The following CLIC5 variants were observed in gnomAD, a reference collection of about 807,000 sequenced individuals.
CLIC5 encodes chloride intracellular channel protein 5.
In CLIC5, 20 loss-of-function variants were observed where a neutral mutation model predicts 24.7. The ratio of observed to expected loss-of-function variants is 0.81; its 90% CI spans 0.57 to 1.18. CLIC5 has a LOEUF of 1.18. CLIC5 is among the 50% of genes most tolerant of loss of function. CLIC5 has a pLI of 0.00. For missense variants in CLIC5, 341 were observed against 326.1 expected, an observed-to-expected ratio of 1.05 and a Z score of -0.35; for synonymous variants, 159 against 135.6, an observed-to-expected ratio of 1.17 and a Z score of -1.20.
chr6:46,087,341 AG>A, the CLIC5 span, among the ~76,000 whole-genome samples: 1 of 152,220 alleles, frequency 6.6e-6, no homozygotes, highest in African/African-American at 2.4e-5. Context: ...CTTGTTTGAT[AG>A]GTTTATTTAA....
At chr6:46,029,742 C>T (rs1042540751) in intron 1 of CLIC5, among the ~76,000 whole-genome samples, 8 of 152,160 alleles carry the variant, frequency 5.3e-5, no homozygotes, top group Non-Finnish European at 7.3e-5. Flanking sequence ...CCTCAATTTT[C>T]CATTCACCAC....
chr6:46,019,307 C>T (rs1398299422), upstream of CLIC5, among the ~76,000 whole-genome samples: 1 of 152,170 alleles, frequency 6.6e-6, no homozygotes, highest in Admixed American at 6.5e-5. Context: ...CAACTATATG[C>T]TGTTACAGAA....
Position 45,902,702 on chromosome 6 carries a change from G to A in CLIC5, c.*386C>T, listed in dbSNP as rs45615732. The stretch of plus-strand genomic sequence containing the variant: ...TGTCCTTGGCCTTGTAGGTATGGAC[G>A]GAGAGGAGGGTAGAAAAGGAGTTGG... On this transcript the variant is annotated 3_prime_UTR_variant, in exon 6 of 6. Coordinates refer to ENST00000339561, the MANE Select transcript of CLIC5 (RefSeq NM_016929.5). The A allele has an allele frequency of 0.024, 4,989 of 207,724 alleles. 80 individuals are homozygous for A. The highest frequency in any genetic ancestry group is 0.04 in the Admixed American group (769 of 19,022). 12.9% of individuals were successfully genotyped at this position (207,724 alleles called of 1,614,324 possible).
the CLIC5 span, among the ~76,000 whole-genome samples, chr6:46,122,764 A>T: frequency 1.3e-5 from 2 of 152,246 alleles, no homozygotes; most frequent in Non-Finnish European, 2.9e-5. Flanking sequence ...CGCCGATCCC[A>T]CAGAAATACA....
intron 1 of CLIC5, among the ~76,000 whole-genome samples, chr6:45,978,588 C>G (rs570281228): frequency 3.2e-4 from 48 of 152,328 alleles, no homozygotes; most frequent in African/African-American, 1.1e-3. Context: ...ATGTCTAACA[C>G]TTTTACAAGT....
rs146090052 is a variant in CLIC5, at chr6:45,951,278, C to A, written c.174-1897G>T. Among the ~76,000 whole-genome samples, 48 of 152,258 alleles carry A rather than the reference C, an allele frequency of 3.2e-4. No homozygotes were observed. The East Asian group carries it at 8.3e-3, about 26-fold the overall frequency. On this transcript the variant is annotated intron_variant, in intron 2 of 5. Coordinates refer to ENST00000339561, the MANE Select transcript of CLIC5 (RefSeq NM_016929.5). Reference sequence around the variant, plus strand: ...AGGAGACCCAAGAGTCCTAAATTATCCTGAAAGAAAGGCCTAGATGATGGA... The same window carrying A: ...AGGAGACCCAAGAGTCCTAAATTATACTGAAAGAAAGGCCTAGATGATGGA...
upstream of CLIC5, among the ~76,000 whole-genome samples, chr6:46,016,173 G>GGAAGGGGAAGAGGAAGGGGAAAGGA (rs1767000823): frequency 7.8e-6 from 1 of 127,804 alleles, no homozygotes; most frequent in Non-Finnish European, 1.7e-5. Flanking sequence ...AGGGGAAAGG[G>GGAAGGGGAAGAGGAAGGGGAAAGGA]GAAGGGGAAG....
intron 1 of CLIC5, among the ~76,000 whole-genome samples, chr6:45,976,906 T>G (rs1765405380): frequency 6.6e-6 from 1 of 152,218 alleles, no homozygotes. Context: ...GGCTGGATGT[T>G]ACGTGTGTGC....
At chr6:46,023,383 G>C (rs181156133) in intron 1 of CLIC5, among the ~76,000 whole-genome samples, 1 of 152,136 alleles carries the variant, frequency 6.6e-6, no homozygotes, top group Non-Finnish European at 1.5e-5. Context: ...CTTATCCAAG[G>C]TCATGTGGAT....
At chr6:46,088,536 A>G in the CLIC5 span, among the ~76,000 whole-genome samples, 1 of 152,220 alleles carries the variant, frequency 6.6e-6, no homozygotes, top group South Asian at 2.1e-4. Context: ...AAGATAAGAA[A>G]AATAATCTGC....
chr6:45,965,732 A>T (rs1356293432), intron 1 of CLIC5, among the ~76,000 whole-genome samples: 1 of 152,218 alleles, frequency 6.6e-6, no homozygotes, highest in Non-Finnish European at 1.5e-5. Flanking sequence ...CCATCCTAAT[A>T]CAGGAAATAT....
chr6:46,036,531 CCTT>C (rs898017346), intron 1 of CLIC5, among the ~76,000 whole-genome samples: 7 of 152,092 alleles, frequency 4.6e-5, no homozygotes, highest in African/African-American at 1.7e-4. Flanking sequence ...AGAATGGTCT[CCTT>C]CTCCTGACCT....
the CLIC5 span, among the ~76,000 whole-genome samples, chr6:46,087,504 T>C: frequency 6.6e-6 from 1 of 152,074 alleles, no homozygotes; most frequent in African/African-American, 2.4e-5. Flanking sequence ...ACTGTCATCT[T>C]ACTTAGGTTG....
intron 1 of CLIC5, among the ~76,000 whole-genome samples, chr6:46,064,037 C>T (rs771642518): frequency 3.3e-5 from 5 of 151,890 alleles, no homozygotes; most frequent in African/African-American, 4.8e-5. Flanking sequence ...AACTCATAAC[C>T]AAGCATGAAA....
At chr6:46,091,670 C>G in the CLIC5 span, among the ~76,000 whole-genome samples, 1 of 152,038 alleles carries the variant, frequency 6.6e-6, no homozygotes, top group African/African-American at 2.4e-5. Context: ...CCCAGGAGGT[C>G]GAGGCTGCAG....
intron 4 of CLIC5, among the ~76,000 whole-genome samples, chr6:45,929,183 C>T (rs1763630076): frequency 6.6e-6 from 1 of 152,080 alleles, no homozygotes; most frequent in Non-Finnish European, 1.5e-5. Flanking sequence ...GCCTTCCTTA[C>T]AACTGCCCAA....
the CLIC5 span, among the ~76,000 whole-genome samples, chr6:46,124,079 CTACTT>C: frequency 6.6e-6 from 1 of 152,176 alleles, no homozygotes; most frequent in African/African-American, 2.4e-5. Flanking sequence ...TTGGAAAAAA[CTACTT>C]TAAAGTTCAT....
In CLIC5 at chr6:46,036,639, A is replaced by T. The variant is rs1444193204; in HGVS notation, c.540+43064T>A. 2.6e-5 allele frequency among the ~76,000 whole-genome samples: 4 copies of T among 152,200 alleles called. No individual in the cohort carries two copies. In the East Asian group the frequency reaches 5.8e-4, roughly 22 times the overall value. ...GCAAAGTCTTTGAGAATAGGACCAC[A>T]TCTTACAGTTATTTGTATTTATTCA... On this transcript the variant is annotated intron_variant, in intron 1 of 5. Transcript: ENST00000185206.
At chr6:46,082,067 C>T (rs1762931288), upstream of CLIC5, among the ~76,000 whole-genome samples, 1 of 152,152 alleles carries the variant, frequency 6.6e-6, no homozygotes, top group African/African-American at 2.4e-5. Flanking sequence ...AACCAATTTT[C>T]ACCCCTTGGG....
Sources: allele counts gnomAD v4.1 joint callset (sites outside exome capture counted in the v4.1 genomes callset), GRCh38; gene constraint gnomAD v4.1.1; transcripts MANE v1.5; gene names NCBI Gene and HGNC (gene_info 2026-07-23, HGNC 2026-07-21).